Variants in PDLIM5 observed in about 807,000 individuals in gnomAD.
The protein encoded by PDLIM5 is PDZ and LIM domain 5, also known as PDZ and LIM domain protein 5.
Under a neutral mutation model 64.2 loss-of-function variants are expected in PDLIM5, and 34 were observed. That is an observed-to-expected ratio of 0.53 (90% CI 0.40 to 0.71). The LOEUF is 0.71. Ranked by LOEUF, PDLIM5 falls within the 30% of genes least tolerant of loss-of-function variation. The pLI is 0.00. For synonymous variants in PDLIM5, 253 were observed against 269.1 expected (o/e 0.94, Z 0.59); for missense variants, 683 against 733.6 (o/e 0.93, Z 0.80).
intron 2 of PDLIM5, among the ~76,000 whole-genome samples, chr4:94,464,487 AGACTATGTTCT>A (rs1384915115): frequency 6.6e-6 from 1 of 152,226 alleles, no homozygotes; most frequent in African/African-American, 2.4e-5. Flanking sequence ...TAGCCAGAGC[AGACTATGTTCT>A]GAAAGTATGT....
intron 7 of PDLIM5, among the ~76,000 whole-genome samples, chr4:94,605,009 A>G (rs1737805087): frequency 6.6e-6 from 1 of 152,200 alleles, no homozygotes; most frequent in Non-Finnish European, 1.5e-5. Context: ...AAGTGAGTAT[A>G]ATGTTATTTC....
In PDLIM5 at chr4:94,610,317, G is replaced by A. The variant is rs748573699; in HGVS notation, c.921-7687G>A. The A allele has an allele frequency of 4.8e-5, 71 of 1,486,314 alleles. No homozygotes were observed. The Middle Eastern group carries it at 1.1e-3, about 23-fold the overall frequency. 92.1% of individuals were successfully genotyped at this position (1,486,314 alleles called of 1,614,324 possible). On this transcript the variant is annotated intron_variant, in intron 7 of 12. Transcript: ENST00000317968. ...CTACAAAAACCAGGTAGAACTACACGTACAGCGTCTGTCTGATGTGATCTC... is the reference window on the plus strand; with the variant it reads ...CTACAAAAACCAGGTAGAACTACACATACAGCGTCTGTCTGATGTGATCTC...
intron 2 of PDLIM5, among the ~76,000 whole-genome samples, chr4:94,475,813 A>G (rs1002925418): frequency 6.6e-6 from 1 of 152,314 alleles, no homozygotes; most frequent in Non-Finnish European, 1.5e-5. Context: ...GAGTTTTACA[A>G]ATTACCTCGG....
chr4:94,600,446 AC>A (rs1737403989), intron 7 of PDLIM5, among the ~76,000 whole-genome samples: 1 of 152,192 alleles, frequency 6.6e-6, no homozygotes, highest in Admixed American at 6.5e-5. Flanking sequence ...GTTCAGTGGG[AC>A]ACATTCAGAC....
At chr4:94,663,607 C>T (rs569108802) in intron 12 of PDLIM5, among the ~76,000 whole-genome samples, 1 of 152,210 alleles carries the variant, frequency 6.6e-6, no homozygotes, top group South Asian at 2.1e-4. Context: ...GCAAATGAGT[C>T]TCTACAACAC....
intron 9 of PDLIM5, among the ~76,000 whole-genome samples, chr4:94,642,336 C>T (rs912586062): frequency 3.3e-5 from 5 of 152,066 alleles, no homozygotes; most frequent in Admixed American, 6.6e-5. Flanking sequence ...TCACCACTTC[C>T]GGCACTTCTA....
intron 7 of PDLIM5, among the ~76,000 whole-genome samples, chr4:94,593,147 A>G (rs1170324727): frequency 1.3e-5 from 2 of 152,188 alleles, no homozygotes; most frequent in African/African-American, 2.4e-5. Context: ...GTAATAGTAT[A>G]AATTGGAAGG....
intron 5 of PDLIM5, chr4:94,579,446 T>C: frequency 1.5e-6 from 1 of 686,368 alleles, no homozygotes; most frequent in Non-Finnish European, 2.4e-6. Context: ...GTGTGATACT[T>C]TGAAGAACCT....
At chr4:94,467,318 T>C (rs929744571) in intron 2 of PDLIM5, among the ~76,000 whole-genome samples, 1 of 151,526 alleles carries the variant, frequency 6.6e-6, no homozygotes. Flanking sequence ...AGGAAAGTTT[T>C]TTTTTTTTTT....
chr4:94,543,478 A>G (rs1732010279), intron 3 of PDLIM5, among the ~76,000 whole-genome samples: 3 of 152,148 alleles, frequency 2.0e-5, no homozygotes, highest in Admixed American at 2.0e-4. Flanking sequence ...AGCAATTATC[A>G]AGAATATACT....
intron 2 of PDLIM5, among the ~76,000 whole-genome samples, chr4:94,462,645 A>T (rs1724004178): frequency 6.6e-6 from 1 of 152,028 alleles, no homozygotes; most frequent in African/African-American, 2.4e-5. Context: ...ATATGTGTAT[A>T]TGTTTGTATA....
chr4:94,587,858 G>T (rs1736365688), intron 7 of PDLIM5: 7 of 850,382 alleles, frequency 8.2e-6, no homozygotes, highest in Non-Finnish European at 9.9e-6. Context: ...GGAAAAGATA[G>T]CTTTGCTTTT....
In PDLIM5 at chr4:94,640,243, T is replaced by C. The variant is rs143800232; in HGVS notation, c.1109-33T>C. On this transcript the variant is annotated intron_variant, in intron 8 of 12. Transcript: ENST00000317968. Reference sequence around the variant, plus strand: ...TTAGGAAAGGTTTATATGTGGCTTATTCTCATTCTGATTCTTCTGTTTTAA... The same window carrying C: ...TTAGGAAAGGTTTATATGTGGCTTACTCTCATTCTGATTCTTCTGTTTTAA... 166 of 1,287,528 alleles carry C rather than the reference T, an allele frequency of 1.3e-4. 2 individuals carry two copies. The African/African-American group carries it at 2.1e-3, about 17-fold the overall frequency. The allele number at this position is 1,287,528 out of a possible 1,614,324, so 79.8% of individuals were successfully genotyped here.
chr4:94,658,229 A>T (rs1396750016), intron 11 of PDLIM5, among the ~76,000 whole-genome samples: 1 of 152,228 alleles, frequency 6.6e-6, no homozygotes, highest in East Asian at 1.9e-4. Flanking sequence ...TTTGCCCTTT[A>T]AGGCGACTGC....
chr4:94,608,044 C>T (rs1698626133), intron 7 of PDLIM5: 1 of 1,514,814 alleles, frequency 6.6e-7, no homozygotes, highest in East Asian at 2.5e-5. Context: ...ATATATTTTA[C>T]TTCTGAAAAC....
chr4:94,491,577 C>T (rs1038581547), intron 2 of PDLIM5, among the ~76,000 whole-genome samples: 1 of 152,006 alleles, frequency 6.6e-6, no homozygotes, highest in Non-Finnish European at 1.5e-5. Flanking sequence ...ACAGCCTTTA[C>T]AACTGAGAAG....
At chr4:94,548,296 A>C (rs1732500674) in intron 3 of PDLIM5, among the ~76,000 whole-genome samples, 1 of 152,224 alleles carries the variant, frequency 6.6e-6, no homozygotes, top group South Asian at 2.1e-4. Context: ...ATTGCCATCC[A>C]ACATTCATTC....
At chr4:94,654,853 T>C (rs1049668488) in intron 10 of PDLIM5, among the ~76,000 whole-genome samples, 1 of 152,216 alleles carries the variant, frequency 6.6e-6, no homozygotes, top group African/African-American at 2.4e-5. Flanking sequence ...TTTGTCTCAC[T>C]GAGTGCTGGC....
intron 8 of PDLIM5, among the ~76,000 whole-genome samples, chr4:94,623,152 CAT>C (rs1560747827): frequency 6.7e-6 from 1 of 149,676 alleles, no homozygotes; most frequent in Non-Finnish European, 1.5e-5. Flanking sequence ...AACTGGTTCT[CAT>C]GTGATGTCCC....
Sources: allele counts gnomAD v4.1 joint callset (sites outside exome capture counted in the v4.1 genomes callset), GRCh38; gene constraint gnomAD v4.1.1; transcripts MANE v1.5; gene names NCBI Gene and HGNC (gene_info 2026-07-23, HGNC 2026-07-21).